The following CDK8 variants were observed in gnomAD, a reference collection of about 807,000 sequenced individuals.
CDK8 encodes cyclin-dependent kinase 8.
Under a neutral mutation model 71.5 loss-of-function variants are expected in CDK8, and 29 were observed. The ratio of observed to expected loss-of-function variants is 0.41; its 90% CI spans 0.30 to 0.55. CDK8 has a LOEUF of 0.55. CDK8 is among the 20% of genes least tolerant of loss of function. The pLI is 0.37. For synonymous variants in CDK8, 161 were observed against 192.1 expected (o/e 0.84, Z 1.34); for missense variants, 288 against 572.6 (o/e 0.50, Z 5.07).
intron 1 of CDK8, among the ~76,000 whole-genome samples, chr13:26,277,834 T>C (rs574447494): frequency 6.6e-6 from 1 of 152,332 alleles, no homozygotes; most frequent in East Asian, 1.9e-4. Flanking sequence ...TAAATGGAAT[T>C]AAGCTATTTT....
At chr13:26,265,116 A>G (rs1454138192) in intron 1 of CDK8, among the ~76,000 whole-genome samples, 1 of 152,132 alleles carries the variant, frequency 6.6e-6, no homozygotes, top group Non-Finnish European at 1.5e-5. Flanking sequence ...TGATTGCTGG[A>G]TTGAATGGTA....
chr13:26,391,676 T>C (rs1340312744), intron 6 of CDK8, among the ~76,000 whole-genome samples: 1 of 152,194 alleles, frequency 6.6e-6, no homozygotes, highest in East Asian at 1.9e-4. Context: ...TAATTAATTT[T>C]CCCATATACC....
At chr13:26,289,135 A>T (rs138898772) in intron 1 of CDK8, among the ~76,000 whole-genome samples, 1 of 141,702 alleles carries the variant, frequency 7.1e-6, no homozygotes, top group Admixed American at 7.4e-5. Context: ...GCTTACTGCA[A>T]CCTCTGCCTT....
chr13:26,269,936 G>C (rs1476536434), intron 1 of CDK8, among the ~76,000 whole-genome samples: 1 of 152,042 alleles, frequency 6.6e-6, no homozygotes, highest in African/African-American at 2.4e-5. Flanking sequence ...TTTTGATTTA[G>C]TTGCAGTGTG....
chr13:26,334,670 A>G (rs9551261), intron 1 of CDK8, among the ~76,000 whole-genome samples: 126,184 of 152,120 alleles, frequency 0.83, 54,014 homozygotes, highest in East Asian at 0.99. Flanking sequence ...TTGTAAAAAC[A>G]AAGATAAAGC....
intron 1 of CDK8, among the ~76,000 whole-genome samples, chr13:26,285,081 A>T (rs1443074083): frequency 2.6e-5 from 4 of 152,196 alleles, no homozygotes; most frequent in Non-Finnish European, 1.5e-5. Flanking sequence ...TCTACTAAAA[A>T]TACAAAAGTT....
intron 1 of CDK8, among the ~76,000 whole-genome samples, chr13:26,312,862 A>G (rs1377252335): frequency 1.3e-5 from 2 of 152,152 alleles, no homozygotes; most frequent in Non-Finnish European, 2.9e-5. Context: ...TATTTAATAA[A>G]TTTCCTTAGA....
At chr13:26,273,635 A>G (rs1872432341) in intron 1 of CDK8, among the ~76,000 whole-genome samples, 2 of 151,936 alleles carry the variant, frequency 1.3e-5, no homozygotes, top group Non-Finnish European at 2.9e-5. Flanking sequence ...AACATTAGCC[A>G]TCATATGTTA....
rs957163229 is a variant in CDK8, at chr13:26,321,978, A to G, written c.129-15589A>G. Among the ~76,000 whole-genome samples the G allele has an allele frequency of 3.3e-5, 5 of 152,182 alleles. No homozygotes were observed. The South Asian group carries it at 8.3e-4, about 25-fold the overall frequency. On this transcript the variant is annotated intron_variant, in intron 1 of 12. Coordinates refer to ENST00000381527, the MANE Select transcript of CDK8 (RefSeq NM_001260.3). Reference sequence around the variant, plus strand: ...GAGCGCATGTGGTGCTGACTTCAACATGTATCTTAAATGCCTAGTATCTTG... The same window carrying G: ...GAGCGCATGTGGTGCTGACTTCAACGTGTATCTTAAATGCCTAGTATCTTG...
intron 1 of CDK8, among the ~76,000 whole-genome samples, chr13:26,260,181 C>T (rs1871708347): frequency 6.6e-6 from 1 of 152,036 alleles, no homozygotes; most frequent in South Asian, 2.1e-4. Context: ...CCCTTGTTTT[C>T]CCTGGCCAGC....
intron 1 of CDK8, among the ~76,000 whole-genome samples, chr13:26,304,796 C>G (rs1472134319): frequency 1.3e-5 from 2 of 151,364 alleles, no homozygotes; most frequent in East Asian, 1.9e-4. Context: ...ACTACCATAC[C>G]CAGCTAATTT....
chr13:26,293,042 A>G (rs1033348138), intron 1 of CDK8, among the ~76,000 whole-genome samples: 5 of 152,180 alleles, frequency 3.3e-5, no homozygotes, highest in African/African-American at 7.2e-5. Flanking sequence ...TGTAATGGCA[A>G]GCACTCTGGA....
Position 26,368,624 on chromosome 13 carries a change from A to G in CDK8, c.457-14190A>G, listed in dbSNP as rs760671905. Among the ~76,000 whole-genome samples, 44 of 152,376 alleles carry G rather than the reference A, an allele frequency of 2.9e-4. No homozygotes were observed. In the Middle Eastern group the frequency reaches 0.01, roughly 35 times the overall value. On this transcript the variant is annotated intron_variant, in intron 4 of 12. Transcript: ENST00000381527. ...TGCATTTTCTTCTTGTCATATAGTA[A>G]TGGTTAGGACTTATTCACTAATACA...
intron 8 of CDK8, among the ~76,000 whole-genome samples, chr13:26,396,801 T>G (rs1312787971): frequency 6.6e-6 from 1 of 152,130 alleles, no homozygotes; most frequent in East Asian, 1.9e-4. Context: ...TTAGTTTGTA[T>G]ACCTATGACA....
intron 1 of CDK8, among the ~76,000 whole-genome samples, chr13:26,279,183 G>C (rs1296209784): frequency 6.6e-6 from 1 of 152,116 alleles, no homozygotes; most frequent in Admixed American, 6.5e-5. Flanking sequence ...GATGCCAGTT[G>C]ATAAAATGTA....
At position 26,380,605 on chromosome 13, in the gene CDK8, G is replaced by A. The variant is rs150489615; in HGVS notation, c.457-2209G>A. On this transcript the variant is annotated intron_variant, in intron 4 of 12. Coordinates refer to ENST00000381527, the MANE Select transcript of CDK8 (RefSeq NM_001260.3). ...CTCAAGCAATCCTCTCACCTTAGCA[G>A]GAACTACAGGCGTGTGTCACCACGC... Among the ~76,000 whole-genome samples the A allele has an allele frequency of 7.9e-5, 12 of 151,992 alleles. No individual in the cohort carries two copies. The East Asian group carries it at 2.3e-3, about 30-fold the overall frequency.
intron 1 of CDK8, among the ~76,000 whole-genome samples, chr13:26,332,344 G>A (rs183921652): frequency 1.2e-3 from 177 of 151,984 alleles, no homozygotes; most frequent in African/African-American, 4.1e-3. Context: ...AATTAGCCAG[G>A]CATGGTGGTG....
At chr13:26,346,768 A>T (rs1444757436) in intron 2 of CDK8, among the ~76,000 whole-genome samples, 1 of 152,268 alleles carries the variant, frequency 6.6e-6, no homozygotes, top group Non-Finnish European at 1.5e-5. Flanking sequence ...TATAACCTGA[A>T]CTTAATCTTG....
At chr13:26,256,412 G>A (rs1299259085) in intron 1 of CDK8, among the ~76,000 whole-genome samples, 1 of 152,178 alleles carries the variant, frequency 6.6e-6, no homozygotes, top group Non-Finnish European at 1.5e-5. Flanking sequence ...CCAATCCCAT[G>A]AGATTAGACA....
Sources: gnomAD v4.1 joint callset for allele counts (sites outside exome capture counted in the v4.1 genomes callset) on GRCh38, gnomAD v4.1.1 for gene constraint, MANE v1.5 for transcripts, NCBI Gene and HGNC (gene_info 2026-07-23, HGNC 2026-07-21) for gene names.